The following CPPED1 variants were observed in gnomAD, a reference collection of about 807,000 sequenced individuals.
The protein encoded by CPPED1 is calcineurin like phosphoesterase domain containing 1.
In CPPED1, 28 loss-of-function variants were observed where a neutral mutation model predicts 28.0. The ratio of observed to expected loss-of-function variants is 1.00; its 90% CI spans 0.74 to 1.37. The LOEUF (loss-of-function observed/expected upper bound fraction) is 1.37. CPPED1 is among the 40% of genes most tolerant of loss of function. The pLI is 0.00. For missense variants in CPPED1, 504 were observed against 416.5 expected (o/e 1.21, Z -1.83); for synonymous variants, 198 against 180.2 (o/e 1.10, Z -0.79).
intron 2 of CPPED1, among the ~76,000 whole-genome samples, chr16:12,748,529 AC>A (rs2080305998): frequency 6.6e-6 from 1 of 152,202 alleles, no homozygotes. Flanking sequence ...AGCAAGTCAC[AC>A]AAATTCTTTG....
rs184958167 is a variant in CPPED1, at chr16:12,771,674, G to A, written c.289+9511C>T. 7.9e-4 allele frequency among the ~76,000 whole-genome samples: 120 copies of A among 152,344 alleles called. No individual in the cohort carries two copies. In the Middle Eastern group the frequency reaches 0.014, roughly 17 times the overall value. ...GAATTATGTTCATGGGTTTGTGTCTGCCCAGCTGGAGGAAAATGAGTATCA... is the reference window on the plus strand; with the variant it reads ...GAATTATGTTCATGGGTTTGTGTCTACCCAGCTGGAGGAAAATGAGTATCA... On this transcript the variant is annotated intron_variant, in intron 2 of 3. Transcript: ENST00000381774.
chr16:12,693,870 G>A (rs2079976156), intron 3 of CPPED1, among the ~76,000 whole-genome samples: 1 of 152,064 alleles, frequency 6.6e-6, no homozygotes, highest in Admixed American at 6.5e-5. Flanking sequence ...TGTTCTGGGG[G>A]CTCCTTTTTG....
intron 2 of CPPED1, among the ~76,000 whole-genome samples, chr16:12,764,596 C>G (rs1040507866): frequency 2.6e-5 from 4 of 152,214 alleles, no homozygotes; most frequent in Non-Finnish European, 5.9e-5. Flanking sequence ...GCCTCAGCCT[C>G]CCAAAGTGCT....
intron 2 of CPPED1, among the ~76,000 whole-genome samples, chr16:12,775,084 T>G (rs1490854847): frequency 6.6e-6 from 1 of 152,104 alleles, no homozygotes. Flanking sequence ...CCTCCCAAAG[T>G]GCTGGGATTA....
intron 1 of CPPED1, among the ~76,000 whole-genome samples, chr16:12,790,022 T>C (rs1056670877): frequency 4.6e-5 from 7 of 152,158 alleles, no homozygotes; most frequent in Admixed American, 3.3e-4. Flanking sequence ...CACAGTGAAT[T>C]TTGGGTAATA....
At chr16:12,795,368 C>T (rs1340534985) in intron 1 of CPPED1, among the ~76,000 whole-genome samples, 1 of 151,764 alleles carries the variant, frequency 6.6e-6, no homozygotes, top group Admixed American at 6.6e-5. Flanking sequence ...TTTTCAGAGT[C>T]TCGCTCTGTG....
rs1400003133 is a variant in CPPED1 at position 12,704,638 on chromosome 16, T to G, written c.701A>C (p.Lys234Thr). 2.0e-5 allele frequency: 33 copies of G among 1,610,160 alleles called. No individual in the cohort carries two copies. The highest frequency in any genetic ancestry group is 2.8e-5 in the Non-Finnish European group (33 of 1,176,936). The change falls in exon 3 of 4, where the codon AAG becomes ACG. Residue 234 changes from lysine to threonine, a missense_variant. Physicochemically the swap from Lys to Thr is moderately conservative, Grantham distance 78. Coordinates refer to ENST00000381774, the MANE Select transcript of CPPED1 (RefSeq NM_018340.3). Reference sequence around the variant, plus strand: ...GGGGCCTCTACCTGCGTGGATGAACTTGTCTGCCAACTTCTTCCGAGTGGA... The same window carrying G: ...GGGGCCTCTACCTGCGTGGATGAACGTGTCTGCCAACTTCTTCCGAGTGGA... ...SKSTRKKLAD[K>T]FIHAGVKVVF...
Position 12,665,076 on chromosome 16 carries a change from G to A in CPPED1, c.755C>T (p.Ala252Val), listed in dbSNP as rs1453163998. 1 of 1,606,206 alleles carries A rather than the reference G, an allele frequency of 6.2e-7. No individual in the cohort carries two copies. Among genetic ancestry groups the A allele is most frequent in the Non-Finnish European group, 8.5e-7 (1 of 1,177,688 alleles). ...VVFSGHYHRN[A>V]GGTYQNLDMV... ...GTCGAGGTTCTGGTAGGTACCCCCG[G>A]CATTCCTGTGGTAGTGGCCTGAGAA... Residue 252 changes from alanine (A) to valine (V), a missense_variant, in exon 4 of 4, where the codon GCC becomes GTC. By Grantham distance (64) the Ala-to-Val change is moderately conservative. Coordinates refer to ENST00000381774, the MANE Select transcript of CPPED1 (RefSeq NM_018340.3).
intron 3 of CPPED1, among the ~76,000 whole-genome samples, chr16:12,681,857 A>T (rs1269215716): frequency 6.6e-6 from 1 of 152,096 alleles, no homozygotes; most frequent in Non-Finnish European, 1.5e-5. Context: ...GGACATGGGG[A>T]TGTGCTCTCA....
At chr16:12,802,341 T>G (rs1006426448) in intron 1 of CPPED1, among the ~76,000 whole-genome samples, 1 of 151,930 alleles carries the variant, frequency 6.6e-6, no homozygotes, top group African/African-American at 2.4e-5. Context: ...GTGGCTCAGG[T>G]CTGTAATCCC....
intron 2 of CPPED1, among the ~76,000 whole-genome samples, chr16:12,724,253 C>T (rs1320734691): frequency 6.6e-6 from 1 of 152,180 alleles, no homozygotes. Context: ...GGGGGTCCCA[C>T]TGACTTACTA....
intron 2 of CPPED1, among the ~76,000 whole-genome samples, chr16:12,750,611 T>C (rs1178111690): frequency 6.6e-6 from 1 of 152,032 alleles, no homozygotes; most frequent in African/African-American, 2.4e-5. Context: ...ACAGATATAG[T>C]AAAGAAGAAA....
intron 2 of CPPED1, among the ~76,000 whole-genome samples, chr16:12,731,900 C>T (rs1404265443): frequency 4.6e-5 from 7 of 151,416 alleles, no homozygotes; most frequent in African/African-American, 7.3e-5. Flanking sequence ...TGGTGGCTCA[C>T]GCTTGTAATA....
intron 2 of CPPED1, among the ~76,000 whole-genome samples, chr16:12,730,415 G>A (rs558909504): frequency 7.2e-5 from 11 of 152,140 alleles, no homozygotes; most frequent in African/African-American, 1.2e-4. Flanking sequence ...ACATCTTCCC[G>A]ATGACCCAGT....
chr16:12,715,425 T>C (rs2080102241), intron 2 of CPPED1, among the ~76,000 whole-genome samples: 1 of 152,100 alleles, frequency 6.6e-6, no homozygotes, highest in Admixed American at 6.6e-5. Flanking sequence ...TCTGGGAGGC[T>C]GAGGTGGGCA....
chr16:12,803,102 G>A (rs750810286), intron 1 of CPPED1, among the ~76,000 whole-genome samples: 3 of 152,176 alleles, frequency 2.0e-5, no homozygotes, highest in African/African-American at 7.2e-5. Context: ...CTATGAGGCA[G>A]GTATTATCAA....
intron 1 of CPPED1, among the ~76,000 whole-genome samples, chr16:12,785,044 C>T (rs1277333699): frequency 2.0e-5 from 3 of 152,212 alleles, no homozygotes; most frequent in Non-Finnish European, 4.4e-5. Flanking sequence ...CAGGAATCTT[C>T]ATTCTCCAAA....
At chr16:12,705,687 G>A (rs2080046399) in intron 2 of CPPED1, among the ~76,000 whole-genome samples, 1 of 152,300 alleles carries the variant, frequency 6.6e-6, no homozygotes, top group East Asian at 1.9e-4. Flanking sequence ...GAACTCGGGA[G>A]GCAGAGGTTG....
At chr16:12,775,771 T>G (rs2080494289) in intron 2 of CPPED1, among the ~76,000 whole-genome samples, 1 of 152,200 alleles carries the variant, frequency 6.6e-6, no homozygotes, top group African/African-American at 2.4e-5. Context: ...GTTCCCAGTT[T>G]ACAAGCTGAG....
Sources: allele counts gnomAD v4.1 joint callset (sites outside exome capture counted in the v4.1 genomes callset), GRCh38; gene constraint gnomAD v4.1.1; transcripts MANE v1.5; gene names NCBI Gene and HGNC (gene_info 2026-07-23, HGNC 2026-07-21).